The following COLQ variants were observed in gnomAD, a reference collection of about 807,000 sequenced individuals.
COLQ encodes the protein acetylcholinesterase collagenic tail peptide.
A neutral mutation model predicts 69.0 loss-of-function variants in COLQ; 48 were observed. The ratio of observed to expected loss-of-function variants is 0.70; its 90% confidence interval spans 0.55 to 0.88. The LOEUF (loss-of-function observed/expected upper bound fraction) is 0.88. Ranked by LOEUF, COLQ falls within the 40% of genes least tolerant of loss-of-function variation. The pLI is 0.00. For missense variants in COLQ, 618 were observed against 594.6 expected (o/e 1.04, Z -0.41); for synonymous variants, 217 against 211.2 (o/e 1.03, Z -0.24).
chr3:15,510,650 G>A (rs1036257591), intron 1 of COLQ, among the ~76,000 whole-genome samples: 2 of 151,258 alleles, frequency 1.3e-5, no homozygotes, highest in East Asian at 2.0e-4. Context: ...GGTAGAGACT[G>A]TAGTGAGCCG....
intron 11 of COLQ, among the ~76,000 whole-genome samples, chr3:15,469,539 A>G (rs1232523219): frequency 6.6e-6 from 1 of 152,220 alleles, no homozygotes; most frequent in Non-Finnish European, 1.5e-5. Flanking sequence ...GTTACTGCAC[A>G]GTCTAAATTT....
intron 11 of COLQ, among the ~76,000 whole-genome samples, chr3:15,468,577 G>A (rs1393242097): frequency 6.6e-6 from 1 of 152,122 alleles, no homozygotes; most frequent in African/African-American, 2.4e-5. Flanking sequence ...CAGGTGATCT[G>A]CCTGCCTTGG....
chr3:15,521,353 G>A (rs1249373829), intron 1 of COLQ, among the ~76,000 whole-genome samples, 167 bp downstream of exon 1: 1 of 152,184 alleles, frequency 6.6e-6, no homozygotes, highest in Non-Finnish European at 1.5e-5. Context: ...AGGGGCTTCC[G>A]AGACAAGCTC....
chr3:15,482,430 A>C (rs2062503166), intron 3 of COLQ, among the ~76,000 whole-genome samples: 2 of 152,290 alleles, frequency 1.3e-5, no homozygotes, highest in South Asian at 4.1e-4. Flanking sequence ...GGGCTGTTGA[A>C]TTTTGTCAAA....
chr3:15,508,668 C>T (rs1030061566), intron 1 of COLQ, among the ~76,000 whole-genome samples: 8 of 152,180 alleles, frequency 5.3e-5, no homozygotes, highest in African/African-American at 1.9e-4. Flanking sequence ...CATCAATTCA[C>T]ATCCCCTCCT....
At chr3:15,517,632 A>G (rs1180827522) in intron 1 of COLQ, among the ~76,000 whole-genome samples, 1 of 152,180 alleles carries the variant, frequency 6.6e-6, no homozygotes, top group East Asian at 1.9e-4. Flanking sequence ...CCACAAACAC[A>G]TGAACTTCAA....
At chr3:15,509,273 T>A (rs1326645072) in intron 1 of COLQ, among the ~76,000 whole-genome samples, 1 of 152,186 alleles carries the variant, frequency 6.6e-6, no homozygotes, top group Non-Finnish European at 1.5e-5. Context: ...AAAGGAAGCA[T>A]GCAAGACAGA....
At chr3:15,518,746 A>G (rs1291193616) in intron 1 of COLQ, among the ~76,000 whole-genome samples, 3 of 152,084 alleles carry the variant, frequency 2.0e-5, no homozygotes, top group Non-Finnish European at 2.9e-5. Context: ...CGGGGCATTT[A>G]CCACACGCCA....
In COLQ at chr3:15,470,546, C is replaced by T. The variant is rs200770910; in HGVS notation, c.707G>A (p.Arg236Gln). 32 of 1,613,892 alleles carry T rather than the reference C, an allele frequency of 2.0e-5. No individual in the cohort carries two copies. In the Admixed American group the frequency reaches 2.5e-4, roughly 13 times the overall value. The change falls in exon 11 of 17, where the codon CGA becomes CAA. Residue 236 changes from arginine to glutamine, a missense_variant. Coordinates refer to ENST00000383788, the MANE Select transcript of COLQ (RefSeq NM_005677.4). ...CCCTGGGATCCTTACCTGCTTGCCT[C>T]GTTTTCCTGGTCTTCCTGTGGGTCC... ...HRGPTGRPGK[R>Q]GKQGQKGDSG...
intron 12 of COLQ, among the ~76,000 whole-genome samples, chr3:15,460,101 C>A (rs1347653621): frequency 6.6e-6 from 1 of 152,142 alleles, no homozygotes; most frequent in African/African-American, 2.4e-5. Flanking sequence ...GTTTCCTATG[C>A]CTTTCTTCAC....
intron 12 of COLQ, among the ~76,000 whole-genome samples, chr3:15,462,437 G>A (rs75697201): frequency 0.061 from 9,241 of 152,034 alleles, 416 homozygotes; most frequent in Admixed American, 0.14. Flanking sequence ...TCTTCAGCCC[G>A]CTCACTCAGG....
intron 1 of COLQ, among the ~76,000 whole-genome samples, chr3:15,490,279 G>A (rs1323901956): frequency 2.6e-5 from 4 of 152,214 alleles, no homozygotes; most frequent in Non-Finnish European, 5.9e-5. Context: ...TTCAATGTTA[G>A]TAAATGTTCA....
chr3:15,453,620 G>A (rs1210267313), intron 16 of COLQ, among the ~76,000 whole-genome samples: 1 of 152,190 alleles, frequency 6.6e-6, no homozygotes, highest in African/African-American at 2.4e-5. Context: ...GGGTGCCGTG[G>A]CTCAGTCTCA....
In COLQ at chr3:15,517,018, T is replaced by G. The variant is rs564968906; in HGVS notation, c.106+4502A>C. 2.0e-5 allele frequency among the ~76,000 whole-genome samples: 3 copies of G among 152,260 alleles called. No individual in the cohort carries two copies. In the East Asian group the frequency reaches 5.8e-4, roughly 29 times the overall value. On this transcript the variant is annotated intron_variant, in intron 1 of 16. Coordinates refer to ENST00000383788, the MANE Select transcript of COLQ (RefSeq NM_005677.4). Reference sequence around the variant, plus strand: ...TTTGTCAGGCTTGGTGGCACGTGCCTGTACTCCTAGCTACTCAAGAGGCAG... The same window carrying G: ...TTTGTCAGGCTTGGTGGCACGTGCCGGTACTCCTAGCTACTCAAGAGGCAG...
intron 15 of COLQ, 67 bp from the exon 16 acceptor site, chr3:15,453,998 A>G: frequency 8.6e-7 from 1 of 1,165,806 alleles, no homozygotes. Context: ...TCAGCTTGTA[A>G]GGACCATGCG....
chr3:15,509,036 T>C (rs916403235), intron 1 of COLQ, among the ~76,000 whole-genome samples: 15 of 151,970 alleles, frequency 9.9e-5, no homozygotes, highest in African/African-American at 3.4e-4. Flanking sequence ...AGAAGGAGGA[T>C]CTTAATCAAT....
intron 1 of COLQ, among the ~76,000 whole-genome samples, chr3:15,498,294 C>T (rs2062777869): frequency 6.6e-6 from 1 of 152,160 alleles, no homozygotes; most frequent in South Asian, 2.1e-4. Flanking sequence ...ACTGTGAAAC[C>T]CCTTTGCATT....
intron 2 of COLQ, among the ~76,000 whole-genome samples, chr3:15,488,662 T>G (rs2062617341): frequency 6.6e-6 from 1 of 152,198 alleles, no homozygotes; most frequent in Non-Finnish European, 1.5e-5. Context: ...TGTCTAGTAG[T>G]CACTTTTTTA....
chr3:15,493,466 C>T (rs1260519325), intron 1 of COLQ, among the ~76,000 whole-genome samples: 1 of 152,280 alleles, frequency 6.6e-6, no homozygotes, highest in Non-Finnish European at 1.5e-5. Context: ...TTTTATGCTT[C>T]TTTCTGTGCA....
Sources: gnomAD v4.1 joint callset for allele counts (sites outside exome capture counted in the v4.1 genomes callset) on GRCh38, gnomAD v4.1.1 for gene constraint, MANE v1.5 for transcripts, NCBI Gene and HGNC (gene_info 2026-07-23, HGNC 2026-07-21) for gene names.